NOL9: variants seen among roughly 807,000 people sequenced by gnomAD.
The protein encoded by NOL9 is nucleolar protein 9.
A neutral mutation model predicts 67.9 loss-of-function variants in NOL9; 28 were observed. The ratio of observed to expected loss-of-function variants is 0.41; its 90% CI spans 0.31 to 0.57. The LOEUF is 0.57. NOL9 is among the 20% of genes least tolerant of loss of function. The pLI is 0.25. For synonymous variants in NOL9, 356 were observed against 352.2 expected, an observed-to-expected ratio of 1.01 and a Z score of -0.12; for missense variants, 777 against 897.0, an observed-to-expected ratio of 0.87 and a Z score of 1.71.
In NOL9 at chr1:6,550,450, T is replaced by G. The variant is rs1371493677; in HGVS notation, c.562A>C (p.Lys188Gln). ...CGGGCTTCCCTTTTCAGTTCCTTCTTGCTTTTCTCAGGCTGTGAGTAGTGA... is the reference window on the plus strand; with the variant it reads ...CGGGCTTCCCTTTTCAGTTCCTTCTGGCTTTTCTCAGGCTGTGAGTAGTGA... ...ALHYSQPEKS[K>Q]KELKREARNL... Residue 188 changes from lysine to glutamine, a missense_variant, in exon 2 of 12, where the codon AAG becomes CAG. This residue lies in a region of NOL9 where 364 missense variants were observed against 344.4 expected (regional missense o/e 1.06). Coordinates refer to ENST00000377705, the MANE Select transcript of NOL9 (RefSeq NM_024654.5). 1.2e-6 allele frequency: 2 copies of G among 1,614,050 alleles called. No homozygotes were observed. Among genetic ancestry groups the G allele is most frequent in the East Asian group, 4.5e-5 (2 of 44,894 alleles).
intron 6 of NOL9, among the ~76,000 whole-genome samples, chr1:6,534,023 G>A (rs771397402): frequency 1.3e-5 from 2 of 152,108 alleles, no homozygotes; most frequent in African/African-American, 2.4e-5. Context: ...AAGTAGCTGG[G>A]ATTACAGGCA....
intron 6 of NOL9, among the ~76,000 whole-genome samples, chr1:6,533,905 T>A (rs1472297894): frequency 6.6e-6 from 1 of 151,708 alleles, no homozygotes; most frequent in Non-Finnish European, 1.5e-5. Flanking sequence ...TTTTTTTTTT[T>A]AGACAGAGTT....
rs1310702705 is a variant in NOL9 at position 6,522,335 on chromosome 1, A to T, written c.*3519T>A. ...GAGGCCAAGGCAGGCGGATCCCCTG[A>T]GGTTGGAAGTTCGAGACCAGCCTGA... On this transcript the variant is annotated 3_prime_UTR_variant, in exon 12 of 12. Transcript: ENST00000377705. The T allele has an allele frequency of 6.6e-6, 1 of 151,776 alleles. No homozygotes were observed. Among genetic ancestry groups the T allele is most frequent in the Admixed American group, 6.6e-5 (1 of 15,232 alleles). 9.4% of individuals were successfully genotyped at this position (151,776 alleles called of 1,614,324 possible).
chr1:6,538,687 CA>C (rs1223053683), intron 6 of NOL9, among the ~76,000 whole-genome samples: 1 of 150,934 alleles, frequency 6.6e-6, no homozygotes, highest in Non-Finnish European at 1.5e-5. Flanking sequence ...AGACAAAAAA[CA>C]AAAAAACAAG....
In NOL9 at chr1:6,521,752, G is replaced by C. The variant is rs534186808; in HGVS notation, c.*4102C>G. On this transcript the variant is annotated 3_prime_UTR_variant, in exon 12 of 12. Transcript: ENST00000377705. ...CAGCATGACCGTGAGTAGCACAGCCGTGGTGCCAGCCTCCTGAGTTTACCA... is the reference window on the plus strand; with the variant it reads ...CAGCATGACCGTGAGTAGCACAGCCCTGGTGCCAGCCTCCTGAGTTTACCA... 3 of 152,138 alleles carry C rather than the reference G, an allele frequency of 2.0e-5. No individual in the cohort carries two copies. Among genetic ancestry groups the C allele is most frequent in the African/African-American group, 7.2e-5 (3 of 41,428 alleles). The allele number at this position is 152,138 out of a possible 1,614,324, so 9.4% of individuals were successfully genotyped here.
intron 5 of NOL9, among the ~76,000 whole-genome samples, 197 bp downstream of exon 5, chr1:6,544,629 G>A (rs375658748): frequency 7.3e-6 from 1 of 137,780 alleles, no homozygotes; most frequent in East Asian, 2.2e-4. Flanking sequence ...TGCAGGTAAG[G>A]CAAAGTCAGC....
intron 6 of NOL9, among the ~76,000 whole-genome samples, chr1:6,535,819 T>C (rs1036564761): frequency 2.6e-5 from 4 of 151,672 alleles, no homozygotes; most frequent in African/African-American, 9.7e-5. Context: ...TCCCAGCTAC[T>C]TGGGAGGCTG....
intron 1 of NOL9, among the ~76,000 whole-genome samples, chr1:6,552,084 G>T (rs937752699): frequency 6.6e-6 from 1 of 152,126 alleles, no homozygotes; most frequent in South Asian, 2.1e-4. Flanking sequence ...CTTATCAGTG[G>T]GATTTGAACC....
chr1:6,552,082 T>C (rs1015514764), intron 1 of NOL9, among the ~76,000 whole-genome samples: 3 of 152,022 alleles, frequency 2.0e-5, no homozygotes, highest in Admixed American at 1.3e-4. Flanking sequence ...CACTTATCAG[T>C]GGGATTTGAA....
At chr1:6,536,340 C>T (rs991281538) in intron 6 of NOL9, among the ~76,000 whole-genome samples, 9 of 131,708 alleles carry the variant, frequency 6.8e-5, no homozygotes, top group South Asian at 2.6e-4. Flanking sequence ...AGCGAGACTC[C>T]GTCTCAAATA....
At chr1:6,547,031 G>A (rs1639435021) in intron 3 of NOL9, among the ~76,000 whole-genome samples, 1 of 152,174 alleles carries the variant, frequency 6.6e-6, no homozygotes, top group Admixed American at 6.6e-5. Context: ...CTGACCTACA[G>A]GACATCACAC....
At chr1:6,533,518 T>C (rs1288603823) in intron 6 of NOL9, 77 bp from the exon 7 acceptor site, 9 of 1,126,664 alleles carry the variant, frequency 8.0e-6, no homozygotes, top group Middle Eastern at 2.1e-4. Context: ...GGTGAGGGTT[T>C]TGTTTCAGCC....
At chr1:6,538,582 G>C (rs1222543863) in intron 6 of NOL9, among the ~76,000 whole-genome samples, 1 of 152,096 alleles carries the variant, frequency 6.6e-6, no homozygotes, top group Non-Finnish European at 1.5e-5. Context: ...TGAGGCAGGA[G>C]AATCACTTGA....
chr1:6,544,376 C>T (rs1639367631), intron 5 of NOL9, among the ~76,000 whole-genome samples: 1 of 14,164 alleles, frequency 7.1e-5, no homozygotes, highest in Admixed American at 6.6e-4. Context: ...AAAAAATTAG[C>T]CAGGCATGGT....
intron 1 of NOL9, among the ~76,000 whole-genome samples, chr1:6,552,565 G>A (rs1639566419): frequency 6.6e-6 from 1 of 151,830 alleles, no homozygotes; most frequent in African/African-American, 2.4e-5. Context: ...TGGGATTACA[G>A]GCGTGTGCCA....
intron 5 of NOL9, among the ~76,000 whole-genome samples, chr1:6,542,343 T>C (rs566761282): frequency 1.3e-5 from 2 of 150,052 alleles, no homozygotes; most frequent in South Asian, 2.1e-4. Flanking sequence ...GTATTTTTAG[T>C]AGAGACAGGG....
At chr1:6,537,741 A>G (rs778294940) in intron 6 of NOL9, among the ~76,000 whole-genome samples, 4 of 152,150 alleles carry the variant, frequency 2.6e-5, no homozygotes, top group African/African-American at 9.7e-5. Flanking sequence ...GAAAATCTCA[A>G]TATCTATATT....
intron 6 of NOL9, among the ~76,000 whole-genome samples, chr1:6,538,084 C>G (rs993023244): frequency 2.8e-5 from 4 of 144,146 alleles, no homozygotes; most frequent in Non-Finnish European, 3.1e-5. Context: ...AAGTTAAAAA[C>G]TATAAAGCTC....
chr1:6,540,421 C>T lies in NOL9; in HGVS notation c.1075+1409G>A, dbSNP rs535823171. 9.9e-5 allele frequency among the ~76,000 whole-genome samples: 15 copies of T among 152,128 alleles called. No individual in the cohort carries two copies. In the East Asian group the frequency reaches 1.5e-3, roughly 16 times the overall value. ...ACAGGCATGAGCCACCAAGCCCAGC[C>T]GAGAGTTATTCTTTAATGAGTACAG... On this transcript the variant is annotated intron_variant, in intron 6 of 11. Transcript: ENST00000377705.
Sources: allele counts gnomAD v4.1 joint callset (sites outside exome capture counted in the v4.1 genomes callset), GRCh38; gene constraint gnomAD v4.1.1; regional missense constraint gnomAD v4.1.1; transcripts MANE v1.5; gene names NCBI Gene and HGNC (gene_info 2026-07-23, HGNC 2026-07-21).